The following HEMK2 variants were observed in gnomAD, a reference collection of about 807,000 sequenced individuals.
HEMK2 encodes the protein methyltransferase HEMK2.
At chr21:28,637,992 C>T in the HEMK2 span, among the ~76,000 whole-genome samples, 12 of 152,092 alleles carry the variant, frequency 7.9e-5, no homozygotes. Flanking sequence ...TTAGAAGGTA[C>T]AAAGTAGCCA....
chr21:28,860,612 G>A, the HEMK2 span, among the ~76,000 whole-genome samples: 1 of 152,052 alleles, frequency 6.6e-6, no homozygotes, highest in Non-Finnish European at 1.5e-5. Flanking sequence ...CAGATACTGA[G>A]CCTCAAATCT....
the HEMK2 span, among the ~76,000 whole-genome samples, chr21:28,718,303 TA>T: frequency 2.6e-5 from 4 of 152,184 alleles, no homozygotes; most frequent in African/African-American, 4.8e-5. Flanking sequence ...TATGGTTTTT[TA>T]AATTATTATT....
chr21:28,781,791 T>G, the HEMK2 span, among the ~76,000 whole-genome samples: 3 of 152,346 alleles, frequency 2.0e-5, no homozygotes, highest in Admixed American at 6.5e-5. Context: ...ATCTTCAGTC[T>G]CCAGTCCCTC....
chr21:28,844,421 C>T, the HEMK2 span, among the ~76,000 whole-genome samples: 1 of 152,000 alleles, frequency 6.6e-6, no homozygotes, highest in South Asian at 2.1e-4. Context: ...CCTACAATTT[C>T]TATATCTTGT....
At chr21:28,615,064 G>C in the HEMK2 span, among the ~76,000 whole-genome samples, 1 of 152,116 alleles carries the variant, frequency 6.6e-6, no homozygotes, top group Non-Finnish European at 1.5e-5. Context: ...AGCATGGTGA[G>C]ATACAAGGGT....
At chr21:28,610,384 A>G in the HEMK2 span, among the ~76,000 whole-genome samples, 7 of 152,228 alleles carry the variant, frequency 4.6e-5, no homozygotes, top group African/African-American at 1.7e-4. Flanking sequence ...AGCCAGCACT[A>G]TAAGAACTGC....
chr21:28,831,526 G>GAAAGAAA, the HEMK2 span, among the ~76,000 whole-genome samples: 33 of 34,776 alleles, frequency 9.5e-4, no homozygotes, highest in African/African-American at 1.3e-3. Context: ...AAAGAAAGAA[G>GAAAGAAA]GAAAGAAGGA....
chr21:28,831,752 A>AAAGAAAGG, the HEMK2 span, among the ~76,000 whole-genome samples: 3 of 149,562 alleles, frequency 2.0e-5, no homozygotes, highest in Non-Finnish European at 4.4e-5. Flanking sequence ...AGAAAGAAAG[A>AAAGAAAGG]AAGAAAGAAA....
the HEMK2 span, among the ~76,000 whole-genome samples, chr21:28,662,434 C>A: frequency 6.6e-6 from 1 of 152,106 alleles, no homozygotes; most frequent in Non-Finnish European, 1.5e-5. Context: ...AAAAAGGTGG[C>A]TTTCAGAGTC....
the HEMK2 span, among the ~76,000 whole-genome samples, chr21:28,713,819 A>G: frequency 6.6e-6 from 1 of 152,272 alleles, no homozygotes; most frequent in Non-Finnish European, 1.5e-5. Context: ...TAAGTGTGTG[A>G]AGAAATTATT....
the HEMK2 span, among the ~76,000 whole-genome samples, chr21:28,786,212 A>C: frequency 0.089 from 13,506 of 152,270 alleles, 829 homozygotes; most frequent in South Asian, 0.17. Flanking sequence ...CAATCTTCTC[A>C]ACCTGTGAAA....
At chr21:28,612,969 T>C in the HEMK2 span, among the ~76,000 whole-genome samples, 8 of 152,160 alleles carry the variant, frequency 5.3e-5, no homozygotes, top group African/African-American at 1.7e-4. Context: ...CCCATGCTCA[T>C]AGATGGGTAG....
the HEMK2 span, among the ~76,000 whole-genome samples, chr21:28,729,506 C>T: frequency 1.3e-5 from 2 of 152,054 alleles, no homozygotes; most frequent in African/African-American, 4.8e-5. Context: ...TGGATCCCAA[C>T]TATTTCACTT....
chr21:28,624,149 C>T, the HEMK2 span, among the ~76,000 whole-genome samples: 2 of 152,172 alleles, frequency 1.3e-5, no homozygotes, highest in East Asian at 1.9e-4. Flanking sequence ...AATGTATGAG[C>T]CATTTTTCAA....
At chr21:28,603,971 C>A in the HEMK2 span, among the ~76,000 whole-genome samples, 3,537 of 152,288 alleles carry the variant, frequency 0.023, 154 homozygotes, top group African/African-American at 0.081. Flanking sequence ...GCAAGCTCTG[C>A]GTACTCATCT....
At chr21:28,663,250 G>T in the HEMK2 span, among the ~76,000 whole-genome samples, 4 of 152,202 alleles carry the variant, frequency 2.6e-5, no homozygotes, top group African/African-American at 9.7e-5. Flanking sequence ...AACAAGTAGG[G>T]ACTGTGGAGG....
the HEMK2 span, among the ~76,000 whole-genome samples, chr21:28,801,515 T>C: frequency 1.3e-5 from 2 of 152,120 alleles, no homozygotes; most frequent in Admixed American, 1.3e-4. Context: ...GATAATTTGA[T>C]GACAAACTTC....
At chr21:28,668,841 A>G in the HEMK2 span, among the ~76,000 whole-genome samples, 4 of 152,232 alleles carry the variant, frequency 2.6e-5, no homozygotes, top group Non-Finnish European at 4.4e-5. Context: ...GCCTTCCCAC[A>G]GTGATTCTAA....
At chr21:28,779,855 G>T in the HEMK2 span, among the ~76,000 whole-genome samples, 3 of 152,228 alleles carry the variant, frequency 2.0e-5, no homozygotes, top group South Asian at 6.2e-4. Flanking sequence ...TATGCAAAAA[G>T]AGTTTATTGT....
Sources: gnomAD v4.1 joint callset for allele counts (sites outside exome capture counted in the v4.1 genomes callset) on GRCh38, gnomAD v4.1.1 for gene constraint, MANE v1.5 for transcripts, NCBI Gene and HGNC (gene_info 2026-07-23, HGNC 2026-07-21) for gene names.